Variants in KCNMA1 observed in about 807,000 individuals in gnomAD.
KCNMA1 encodes the protein Calcium-activated potassium channel subunit alpha-1.
KCNMA1 carries 29 observed loss-of-function variants against 140.0 expected under a neutral mutation model. That is an observed-to-expected ratio of 0.21 (90% confidence interval 0.15 to 0.28). The LOEUF (loss-of-function observed/expected upper bound fraction) is 0.28. KCNMA1 is among the 10% of genes least tolerant of loss of function. The probability of loss-of-function intolerance (pLI) is 1.00; values close to 1 mark genes in which losing one functional copy is unlikely to be tolerated. For synonymous variants in KCNMA1, 612 were observed against 611.9 expected (o/e 1.00, Z 0.00); for missense variants, 880 against 1,602.2 (o/e 0.55, Z 7.70).
downstream of KCNMA1, among the ~76,000 whole-genome samples, chr10:76,881,328 CA>C (rs1178535942): frequency 5.9e-5 from 9 of 152,198 alleles, no homozygotes; most frequent in Non-Finnish European, 1.5e-5. Flanking sequence ...GCTGATGATA[CA>C]AACTTCCTAA....
intron 1 of KCNMA1, among the ~76,000 whole-genome samples, chr10:77,627,329 G>A (rs887638141): frequency 1.3e-5 from 2 of 152,146 alleles, no homozygotes; most frequent in African/African-American, 4.8e-5. Context: ...CTGAGAAGGG[G>A]GCTAAACCTT....
At chr10:77,628,895 A>G (rs1603639030) in intron 1 of KCNMA1, among the ~76,000 whole-genome samples, 1 of 152,302 alleles carries the variant, frequency 6.6e-6, no homozygotes, top group East Asian at 1.9e-4. Flanking sequence ...ATGGAGCAAG[A>G]GGAGGAGGGG....
intron 14 of KCNMA1, among the ~76,000 whole-genome samples, chr10:77,065,650 T>TA (rs1193406464): frequency 1.8e-4 from 27 of 151,190 alleles, no homozygotes; most frequent in African/African-American, 2.9e-4. Flanking sequence ...CTGACTTATT[T>TA]AAAAAAAAAC....
chr10:77,528,855 T>A (rs1004202188), intron 1 of KCNMA1, among the ~76,000 whole-genome samples: 6 of 151,966 alleles, frequency 3.9e-5, no homozygotes, highest in Admixed American at 3.9e-4. Context: ...AGGCCACATA[T>A]CCTATCATTC....
chr10:77,427,911 C>T lies in KCNMA1; in HGVS notation c.379-23888G>A, dbSNP rs181515603. On this transcript the variant is annotated intron_variant, in intron 1 of 27. Coordinates refer to ENST00000286628, the MANE Select transcript of KCNMA1 (RefSeq NM_001161352.2). The stretch of plus-strand genomic sequence containing the variant: ...GGGACTACAGGTGCATGCCACCACG[C>T]CTGGCTAATTTTTGTATTTTTAGTA... Among the ~76,000 whole-genome samples, 201 of 152,034 alleles carry T rather than the reference C, an allele frequency of 1.3e-3. 9 individuals carry two copies. The highest frequency in any genetic ancestry group is 0.012 in the Admixed American group (177 of 15,270).
rs145071557 is a variant in KCNMA1, at chr10:77,243,819, C to T, written c.602+7376G>A. ...ACTCTTACCCATCCCCAACTCCATG[C>T]TGAAACAGTACAAAAAAGAGAGGGA... On this transcript the variant is annotated intron_variant, in intron 3 of 27. Transcript: ENST00000286628. Among the ~76,000 whole-genome samples, 196 of 152,192 alleles carry T rather than the reference C, an allele frequency of 1.3e-3. 2 individuals are homozygous for T. Among genetic ancestry groups the T allele is most frequent in the African/African-American group, 4.2e-3 (175 of 41,530 alleles).
intron 21 of KCNMA1, 140 bp downstream of exon 21, chr10:76,953,661 T>C (rs2067119457): frequency 9.9e-7 from 1 of 1,015,162 alleles, no homozygotes; most frequent in Admixed American, 1.8e-5. Context: ...TGCTTCAATC[T>C]ATGCTCAGAA....
At chr10:76,961,592 C>A (rs2071462522) in intron 20 of KCNMA1, among the ~76,000 whole-genome samples, 2 of 152,196 alleles carry the variant, frequency 1.3e-5, no homozygotes, top group African/African-American at 2.4e-5. Context: ...GCATCACATG[C>A]TACAGAGAAA....
intron 1 of KCNMA1, among the ~76,000 whole-genome samples, chr10:77,576,303 G>A (rs2074064144): frequency 6.6e-6 from 1 of 152,144 alleles, no homozygotes; most frequent in African/African-American, 2.4e-5. Context: ...TGAGAGACTT[G>A]CTCTGAGCCA....
intron 19 of KCNMA1, among the ~76,000 whole-genome samples, chr10:76,983,292 T>C (rs2080134767): frequency 6.6e-6 from 1 of 152,224 alleles, no homozygotes; most frequent in Non-Finnish European, 1.5e-5. Context: ...AATAAGAACA[T>C]ACATTACATT....
chr10:77,545,814 A>G (rs973538943), intron 1 of KCNMA1, among the ~76,000 whole-genome samples: 15 of 152,326 alleles, frequency 9.8e-5, no homozygotes, highest in African/African-American at 3.4e-4. Flanking sequence ...CGCCTGGGAA[A>G]GCATGCCTCA....
intron 9 of KCNMA1, chr10:77,091,038 T>TG (rs1181394457): frequency 5.8e-6 from 1 of 171,528 alleles, no homozygotes; most frequent in African/African-American, 2.4e-5. Flanking sequence ...TAGGTTCTGC[T>TG]GGCCATAAGC....
chr10:77,372,541 C>T (rs187656707), intron 2 of KCNMA1, among the ~76,000 whole-genome samples: 3 of 152,286 alleles, frequency 2.0e-5, no homozygotes, highest in Middle Eastern at 3.4e-3. Flanking sequence ...CTCTAGGCGC[C>T]GCAGTCCTTT....
At chr10:77,005,130 T>C (rs1169239184) in intron 18 of KCNMA1, among the ~76,000 whole-genome samples, 1 of 152,182 alleles carries the variant, frequency 6.6e-6, no homozygotes, top group African/African-American at 2.4e-5. Context: ...TGAGGACATC[T>C]AGTGGATCAA....
chr10:77,574,820 C>T (rs2073417603), intron 1 of KCNMA1, among the ~76,000 whole-genome samples: 1 of 152,212 alleles, frequency 6.6e-6, no homozygotes, highest in Non-Finnish European at 1.5e-5. Flanking sequence ...ATAATTTTGC[C>T]TCTAAGACAA....
chr10:76,941,045 G>A (rs1447543813), intron 23 of KCNMA1, among the ~76,000 whole-genome samples: 1 of 74,842 alleles, frequency 1.3e-5, no homozygotes, highest in African/African-American at 6.3e-5. Context: ...AAGAAAGAAA[G>A]AAAGAAAGAG....
At chr10:76,910,669 C>T in intron 24 of KCNMA1, 1 of 182,058 alleles carries the variant, frequency 5.5e-6, no homozygotes, top group East Asian at 1.3e-4. Flanking sequence ...CCCAATAGGC[C>T]CTGTTTAATA....
chr10:77,468,362 T>C (rs1003083673), intron 1 of KCNMA1, among the ~76,000 whole-genome samples: 1 of 152,218 alleles, frequency 6.6e-6, no homozygotes, highest in Non-Finnish European at 1.5e-5. Flanking sequence ...GGCTGATTTA[T>C]GTTCCCCACC....
intron 16 of KCNMA1, among the ~76,000 whole-genome samples, chr10:77,027,380 A>G (rs1254525145): frequency 6.6e-6 from 1 of 152,150 alleles, no homozygotes; most frequent in Admixed American, 6.5e-5. Flanking sequence ...ATGGTACACA[A>G]TAGGCTGCTT....
Sources: gnomAD v4.1 joint callset for allele counts (sites outside exome capture counted in the v4.1 genomes callset) on GRCh38, gnomAD v4.1.1 for gene constraint, MANE v1.5 for transcripts, NCBI Gene and HGNC (gene_info 2026-07-23, HGNC 2026-07-21) for gene names.